Variants in HYDIN observed in about 807,000 individuals in gnomAD.
The protein encoded by HYDIN is axonemal central pair apparatus protein HYDIN.
HYDIN carries 132 observed loss-of-function variants against 403.9 expected under a neutral mutation model. That is an observed-to-expected ratio of 0.33 (90% CI 0.28 to 0.38). The LOEUF (loss-of-function observed/expected upper bound fraction) is 0.38. Ranked by LOEUF, HYDIN falls within the 10% of genes least tolerant of loss-of-function variation. The pLI, the probability that HYDIN is intolerant of heterozygous loss-of-function variation, is 1.00. For synonymous variants in HYDIN, 1,202 were observed against 1,891.7 expected (o/e 0.64, Z 9.46); for missense variants, 2,827 against 5,009.5 (o/e 0.56, Z 13.15).
Position 70,896,665 on chromosome 16 carries a change from T to G in HYDIN, c.9049-585A>C, listed in dbSNP as rs558039276. 2.7e-5 allele frequency among the ~76,000 whole-genome samples: 4 copies of G among 150,424 alleles called. No individual in the cohort carries two copies. The South Asian group carries it at 8.4e-4, about 32-fold the overall frequency. On this transcript the variant is annotated intron_variant, in intron 53 of 85. Transcript: ENST00000393567. Reference sequence around the variant, plus strand: ...GCCATCATGCCCAACTGTTTTTTTTTTTTTTTTTTAACTTCTAAATCAAAT... The same window carrying G: ...GCCATCATGCCCAACTGTTTTTTTTGTTTTTTTTTAACTTCTAAATCAAAT...
At position 71,065,365 on chromosome 16, in the gene HYDIN, C is replaced by A. The variant is rs557401290; in HGVS notation, c.2076-525G>T. On this transcript the variant is annotated intron_variant, in intron 15 of 85. Coordinates refer to ENST00000393567, the MANE Select transcript of HYDIN (RefSeq NM_001270974.2). ...GCTTGGTCCAGAACTGGCACTGTGA[C>A]GGGGTTGTCACTGTGCCGACATGGC... Among the ~76,000 whole-genome samples, 14 of 131,394 alleles carry A rather than the reference C, an allele frequency of 1.1e-4. No homozygotes were observed. The Admixed American group carries it at 1.2e-3, about 11-fold the overall frequency. 86.2% of individuals were successfully genotyped at this position (131,394 alleles called of 152,430 possible).
At chr16:70,979,381 C>A (rs1162029996) in intron 29 of HYDIN, among the ~76,000 whole-genome samples, 1 of 151,986 alleles carries the variant, frequency 6.6e-6, no homozygotes, top group African/African-American at 2.4e-5. Context: ...GCACTTAAAC[C>A]CCTACACCCT....
At chr16:70,927,928 T>A (rs548565998) in intron 45 of HYDIN, among the ~76,000 whole-genome samples, 1 of 151,672 alleles carries the variant, frequency 6.6e-6, no homozygotes, top group South Asian at 2.1e-4. Context: ...TTGAGTAATT[T>A]GTTGCCAAAG....
chr16:70,863,005 G>C (rs1451713869), intron 68 of HYDIN, 80 bp downstream of exon 68: 8 of 1,019,498 alleles, frequency 7.8e-6, no homozygotes, highest in Non-Finnish European at 1.2e-5. Context: ...CCTCTGAGCA[G>C]TGCTGGCCTC....
Position 70,879,408 on chromosome 16 carries a change from T to C in HYDIN, c.10446A>G (p.Pro3482=). The change falls in exon 62 of 86, where the codon CCA becomes CCG. Residue 3482 remains proline, a synonymous_variant. Transcript: ENST00000393567. Reference sequence around the variant, plus strand: ...GGTTTCCATATTGGTTATGAAGAACTGGCCGCACAACCGTCACTCGAGGGA... The same window carrying C: ...GGTTTCCATATTGGTTATGAAGAACCGGCCGCACAACCGTCACTCGAGGGA... The part of the protein sequence containing the change: ...GNLPRVTVVR[P]VLHNQYGNPL... 6.3e-7 allele frequency: 1 copy of C among 1,596,580 alleles called. No homozygotes were observed. Among genetic ancestry groups the C allele is most frequent in the African/African-American group, 1.3e-5 (1 of 74,174 alleles).
At chr16:70,810,794 T>C (rs999002609) in intron 84 of HYDIN, among the ~76,000 whole-genome samples, 1 of 151,986 alleles carries the variant, frequency 6.6e-6, no homozygotes, top group Non-Finnish European at 1.5e-5. Context: ...CGTGTCACTC[T>C]AGTCCACAGC....
chr16:71,097,297 T>C (rs147813112), intron 10 of HYDIN, among the ~76,000 whole-genome samples: 3,731 of 136,144 alleles, frequency 0.027, 240 homozygotes, highest in African/African-American at 0.11. Context: ...ACTTTTGTTT[T>C]CTTCTTTAAC....
In HYDIN at chr16:70,828,377, TG is replaced by T; in HGVS notation, c.14164del (p.His4722MetfsTer10). ...AGCTTTGGGGAGCTCAGAAGTCCCATGCAGAGCATACAGCCAGCCGGTCCCA... is the reference window on the plus strand; with the variant it reads ...AGCTTTGGGGAGCTCAGAAGTCCCATCAGAGCATACAGCCAGCCGGTCCCA... Reference protein sequence around the residue: ...PDGTGWLYALHGTSELPKAVA... With the variant: ...PDGTGWLYALXGTSELPKAVA... On this transcript the variant is annotated frameshift_variant, in exon 82 of 86. Transcript: ENST00000393567. LOFTEE classifies it high-confidence loss of function. The T allele has an allele frequency of 1.8e-6, 2 of 1,111,610 alleles. No homozygotes were observed. The highest frequency in any genetic ancestry group is 2.7e-6 in the Non-Finnish European group (2 of 754,698). 68.9% of individuals were successfully genotyped at this position (1,111,610 alleles called of 1,614,324 possible).
At chr16:71,053,637 T>C (rs1165323488) in intron 18 of HYDIN, among the ~76,000 whole-genome samples, 1 of 122,124 alleles carries the variant, frequency 8.2e-6, no homozygotes, top group Non-Finnish European at 1.9e-5. Flanking sequence ...TATGAATGCA[T>C]ATAATATATA....
intron 41 of HYDIN, 94 bp from the exon 42 acceptor site, chr16:70,944,043 TA>T: frequency 2.2e-6 from 2 of 911,196 alleles, no homozygotes; most frequent in Non-Finnish European, 3.4e-6. Flanking sequence ...GAAGATCACA[TA>T]ATCTGTCATT....
At chr16:70,961,798 G>A (rs905043992) in intron 38 of HYDIN, among the ~76,000 whole-genome samples, 161 bp downstream of exon 38, 23 of 152,126 alleles carry the variant, frequency 1.5e-4, no homozygotes, top group Non-Finnish European at 2.4e-4. Context: ...CCTACTGTGA[G>A]TGGCAGATCA....
intron 16 of HYDIN, among the ~76,000 whole-genome samples, chr16:71,063,316 G>A (rs117449635): frequency 0.016 from 2,500 of 152,278 alleles, 35 homozygotes; most frequent in Middle Eastern, 0.058. Flanking sequence ...GCAGTGCTCC[G>A]CCGAGCCTTA....
At chr16:70,936,459 A>G (rs2077495617) in intron 44 of HYDIN, among the ~76,000 whole-genome samples, 1 of 129,530 alleles carries the variant, frequency 7.7e-6, no homozygotes, top group African/African-American at 2.5e-5. Flanking sequence ...AAAAAAAGCA[A>G]CTTTCAAAGA....
At chr16:71,187,662 A>T (rs1368347550) in intron 1 of HYDIN, among the ~76,000 whole-genome samples, 1 of 152,156 alleles carries the variant, frequency 6.6e-6, no homozygotes, top group Non-Finnish European at 1.5e-5. Flanking sequence ...ACAAACAAAC[A>T]AACAAACAAA....
chr16:71,007,289 T>C (rs2079918982), intron 23 of HYDIN, among the ~76,000 whole-genome samples: 2 of 152,202 alleles, frequency 1.3e-5, no homozygotes, highest in South Asian at 4.1e-4. Context: ...TCCATGTTTG[T>C]CTTTGGGGGC....
chr16:71,177,108 T>C (rs965774384), intron 4 of HYDIN, among the ~76,000 whole-genome samples: 3 of 152,208 alleles, frequency 2.0e-5, no homozygotes, highest in Non-Finnish European at 4.4e-5. Flanking sequence ...TCTTTCCATG[T>C]GGCCAGCACT....
chr16:70,805,112 T>C lies in HYDIN; in HGVS notation c.*2468A>G, dbSNP rs1045282350. ...TCTCCTAACCTATACCTCTGGTGAA[T>C]AGGTGGAAGGAGGCACATTTTGGGG... On this transcript the variant is annotated 3_prime_UTR_variant, in exon 86 of 86. Coordinates refer to ENST00000393567, the MANE Select transcript of HYDIN (RefSeq NM_001270974.2). Among the ~76,000 whole-genome samples the C allele has an allele frequency of 2.0e-5, 3 of 152,192 alleles. No individual in the cohort carries two copies. The highest frequency in any genetic ancestry group is 7.2e-5 in the African/African-American group (3 of 41,446).
chr16:71,227,493 A>T (rs1414294734), intron 1 of HYDIN, among the ~76,000 whole-genome samples: 4 of 152,172 alleles, frequency 2.6e-5, no homozygotes, highest in African/African-American at 4.8e-5. Flanking sequence ...AATGTGCAAA[A>T]ATCACAAGCA....
At chr16:71,176,348 A>G (rs2086671900) in intron 4 of HYDIN, among the ~76,000 whole-genome samples, 1 of 152,080 alleles carries the variant, frequency 6.6e-6, no homozygotes, top group South Asian at 2.1e-4. Flanking sequence ...GGGCTCTTTA[A>G]TCAGCTAAAA....
Sources: gnomAD v4.1 joint callset for allele counts (sites outside exome capture counted in the v4.1 genomes callset) on GRCh38, gnomAD v4.1.1 for gene constraint, MANE v1.5 for transcripts, NCBI Gene and HGNC (gene_info 2026-07-23, HGNC 2026-07-21) for gene names.